UBA6: variants seen among roughly 807,000 people sequenced by gnomAD.
UBA6 encodes ubiquitin like modifier activating enzyme 6.
In UBA6, 87 loss-of-function variants were observed where a neutral mutation model predicts 148.3. The ratio of observed to expected loss-of-function variants is 0.59; its 90% CI spans 0.49 to 0.70. The LOEUF (loss-of-function observed/expected upper bound fraction) is 0.70. Ranked by LOEUF, UBA6 falls within the 30% of genes least tolerant of loss-of-function variation. The pLI is 0.00. For synonymous variants in UBA6, 376 were observed against 401.0 expected (o/e 0.94, Z 0.75); for missense variants, 1,186 against 1,241.2 (o/e 0.96, Z 0.67).
chr4:67,623,317 TATTTGTGA>T, intron 30 of UBA6, 95 bp from the exon 31 acceptor site: 1 of 809,766 alleles, frequency 1.2e-6, no homozygotes, highest in Non-Finnish European at 2.1e-6. Flanking sequence ...AGAAGTCCAT[TATTTGTGA>T]TCAGGCTAGA....
At position 67,617,883 on chromosome 4, in the gene UBA6, T is replaced by C. The variant is rs1178200027; in HGVS notation, c.*1114A>G. 2 of 152,008 alleles carry C rather than the reference T, an allele frequency of 1.3e-5. No individual in the cohort carries two copies. Among genetic ancestry groups the C allele is most frequent in the Non-Finnish European group, 2.9e-5 (2 of 67,940 alleles). The allele number at this position is 152,008 out of a possible 1,614,324, so 9.4% of individuals were successfully genotyped here. ...GTTTACAGTGTTGGGTACTACTGTT[T>C]ACATCATTTTAATGAAAGTATTTAT... On this transcript the variant is annotated 3_prime_UTR_variant, in exon 33 of 33. Coordinates refer to ENST00000322244, the MANE Select transcript of UBA6 (RefSeq NM_018227.6).
At chr4:67,675,964 T>A (rs1176881130) in intron 6 of UBA6, among the ~76,000 whole-genome samples, 1 of 152,050 alleles carries the variant, frequency 6.6e-6, no homozygotes, top group Non-Finnish European at 1.5e-5. Flanking sequence ...ATTTGTTTAA[T>A]TTTGTTTTTG....
rs1051090373 is a variant in UBA6 at position 67,617,288 on chromosome 4, CAA to C, written c.*1707_*1708del. ...TGAACGTGGAAAAAAGCCTTCTTTG[CAA>C]AAGTCCTTTTATTAGTCCTATCCTC... On this transcript the variant is annotated 3_prime_UTR_variant, in exon 33 of 33. Transcript: ENST00000322244. The C allele has an allele frequency of 2.3e-4, 35 of 152,068 alleles. No homozygotes were observed. The highest frequency in any genetic ancestry group is 8.2e-4 in the African/African-American group (34 of 41,448). The allele number at this position is 152,068 out of a possible 1,614,324, so 9.4% of individuals were successfully genotyped here. A position where few individuals can be genotyped will look rare whatever the true frequency, so the allele number is the denominator to read the frequency against.
chr4:67,640,651 A>C (rs1463689400), intron 18 of UBA6, among the ~76,000 whole-genome samples: 3 of 152,176 alleles, frequency 2.0e-5, no homozygotes, highest in Non-Finnish European at 4.4e-5. Context: ...GCTTGACTTA[A>C]AATGCTTTCT....
intron 29 of UBA6, 50 bp downstream of exon 29, chr4:67,624,944 G>A: frequency 4.7e-6 from 7 of 1,494,548 alleles, no homozygotes; most frequent in Non-Finnish European, 6.4e-6. Context: ...GGAAGTCAGG[G>A]AAGAGGCAAT....
Position 67,641,194 on chromosome 4 carries a change from G to A in UBA6, c.1511C>T (p.Ser504Phe). 6.3e-7 allele frequency: 1 copy of A among 1,598,422 alleles called. No homozygotes were observed. The highest frequency in any genetic ancestry group is 1.1e-5 in the South Asian group (1 of 88,314). The change falls in exon 18 of 33, where the codon TCC becomes TTC. Residue 504 changes from serine (S) to phenylalanine (F), a missense_variant. Transcript: ENST00000322244. Reference sequence around the variant, plus strand: ...AAATAGGAACTGTCTATTTAAGTTGGATTTCTCTATCAAGTCAGGATCTGT... The same window carrying A: ...AAATAGGAACTGTCTATTTAAGTTGAATTTCTCTATCAAGTCAGGATCTGT... ...TVTDPDLIEK[S>F]NLNRQFLFRP... is the part of the protein sequence containing the mutation.
At chr4:67,675,059 G>T (rs1008507788) in intron 6 of UBA6, among the ~76,000 whole-genome samples, 2 of 152,114 alleles carry the variant, frequency 1.3e-5, no homozygotes, top group Non-Finnish European at 2.9e-5. Context: ...TAGTAGAGAC[G>T]GGGTTTCGCC....
In UBA6 at chr4:67,682,361, A is replaced by G. The variant is rs972608470; in HGVS notation, c.135-148T>C. 11 of 602,150 alleles carry G rather than the reference A, an allele frequency of 1.8e-5. No individual in the cohort carries two copies. In the African/African-American group the frequency reaches 2.1e-4, roughly 11 times the overall value. 37.3% of individuals were successfully genotyped at this position (602,150 alleles called of 1,614,324 possible). A position where few individuals can be genotyped will look rare whatever the true frequency, so the allele number is the denominator to read the frequency against. The stretch of plus-strand genomic sequence containing the variant: ...TTGCACAGTGTTTAAACATTTCTGA[A>G]TTAAATGCCAAATATATGACATATT... On this transcript the variant is annotated intron_variant, in intron 2 of 32. Transcript: ENST00000322244.
chr4:67,646,252 G>GA lies in UBA6; in HGVS notation c.1317-237dup, dbSNP rs1429099886. 3.9e-5 allele frequency among the ~76,000 whole-genome samples: 6 copies of GA among 152,010 alleles called. No individual in the cohort carries two copies. The East Asian group carries it at 1.2e-3, about 29-fold the overall frequency. On this transcript the variant is annotated intron_variant, in intron 15 of 32. Transcript: ENST00000322244. ...AGTGAAGGTGACTTTGGTTTATCTA[G>GA]AAAAAAAATTTTCCTAAGCCAGAGA...
chr4:67,693,795 A>G (rs1395384229), intron 2 of UBA6, among the ~76,000 whole-genome samples: 1 of 152,164 alleles, frequency 6.6e-6, no homozygotes, highest in Non-Finnish European at 1.5e-5. Flanking sequence ...TACTGATGAA[A>G]TCTATCTCCC....
At chr4:67,656,487 T>C (rs779719021) in intron 13 of UBA6, among the ~76,000 whole-genome samples, 18 of 152,226 alleles carry the variant, frequency 1.2e-4, no homozygotes, top group Non-Finnish European at 2.1e-4. Context: ...CAGCCTTTCA[T>C]GCTAAAAACT....
chr4:67,639,158 A>T (rs769188277), intron 18 of UBA6, 34 bp from the exon 19 acceptor site: 1 of 1,525,108 alleles, frequency 6.6e-7, no homozygotes, highest in Non-Finnish European at 8.9e-7. Context: ...GGAATATGTT[A>T]AACAACAAAA....
At chr4:67,681,627 T>C in intron 3 of UBA6, 36 bp from the exon 4 acceptor site, 1 of 1,501,872 alleles carries the variant, frequency 6.7e-7, no homozygotes, top group Non-Finnish European at 9.1e-7. Context: ...AGCTCAATAT[T>C]GGGAATACAC....
At chr4:67,659,420 G>A (rs1423796976) in intron 13 of UBA6, among the ~76,000 whole-genome samples, 1 of 151,948 alleles carries the variant, frequency 6.6e-6, no homozygotes, top group Non-Finnish European at 1.5e-5. Flanking sequence ...TGAGTTTCAC[G>A]AGATCTGACA....
chr4:67,639,239 T>A, intron 18 of UBA6, 115 bp from the exon 19 acceptor site: 1 of 754,198 alleles, frequency 1.3e-6, no homozygotes, highest in African/African-American at 1.7e-5. Flanking sequence ...TCCATACATA[T>A]ATAATGAGAG....
In UBA6 at chr4:67,649,154, A is replaced by G; in HGVS notation, c.1162T>C (p.Ser388Pro). 1.9e-6 allele frequency: 3 copies of G among 1,614,064 alleles called. No individual in the cohort carries two copies. The highest frequency in any genetic ancestry group is 2.5e-6 in the Non-Finnish European group (3 of 1,179,960). Reference sequence around the variant, plus strand: ...CCTCCTACTGCTGCAGCAAGTGGAGATAAAAAGCCTTGGGCAGTCCAAGAG... The same window carrying G: ...CCTCCTACTGCTGCAGCAAGTGGAGGTAAAAAGCCTTGGGCAGTCCAAGAG... ...WLSWTAQGFLSPLAAAVGGVA... is the reference protein window; with the variant it reads ...WLSWTAQGFLPPLAAAVGGVA... Residue 388 changes from serine (S) to proline (P), a missense_variant, in exon 14 of 33, where the codon TCT becomes CCT. Coordinates refer to ENST00000322244, the MANE Select transcript of UBA6 (RefSeq NM_018227.6).
rs1445489533 is a variant in UBA6 at position 67,634,272 on chromosome 4, T to C, written c.1983A>G (p.Gln661=). ...HKPSLFNKFW[Q]TYSSAEEVLQ... ...AGACTTCTTCTGCAGATGAATAGGTTTGCCAAAATTTGTTAAACAATGAAG... is the reference window on the plus strand; with the variant it reads ...AGACTTCTTCTGCAGATGAATAGGTCTGCCAAAATTTGTTAAACAATGAAG... The change falls in exon 22 of 33, where the codon CAA becomes CAG. Residue 661 remains glutamine (Q), a synonymous_variant. Coordinates refer to ENST00000322244, the MANE Select transcript of UBA6 (RefSeq NM_018227.6). 22 of 1,596,932 alleles carry C rather than the reference T, an allele frequency of 1.4e-5. No individual in the cohort carries two copies. The highest frequency in any genetic ancestry group is 1.7e-5 in the Non-Finnish European group (20 of 1,175,654).
chr4:67,671,294 ATAAT>A (rs1200794156), intron 7 of UBA6, among the ~76,000 whole-genome samples: 5 of 152,316 alleles, frequency 3.3e-5, no homozygotes, highest in East Asian at 1.9e-4. Context: ...TTTTTCTAAC[ATAAT>A]TAAGTATATT....
In UBA6 at chr4:67,634,249, ACTT is replaced by A. The variant is rs745894979; in HGVS notation, c.2003_2005del (p.Glu668del). 6.3e-7 allele frequency: 1 copy of A among 1,585,852 alleles called. No individual in the cohort carries two copies. ...AAATTTACTGATTTTTACCTGTAAG[ACTT>A]CTTCTGCAGATGAATAGGTTTGCCA... On this transcript the variant is annotated inframe_deletion, in exon 22 of 33. Transcript: ENST00000322244.
Sources: allele counts gnomAD v4.1 joint callset (sites outside exome capture counted in the v4.1 genomes callset), GRCh38; gene constraint gnomAD v4.1.1; transcripts MANE v1.5; gene names NCBI Gene and HGNC (gene_info 2026-07-23, HGNC 2026-07-21).